Variants in DGKB observed in about 807,000 individuals in gnomAD.
The protein encoded by DGKB is 90 kDa diacylglycerol kinase.
In DGKB, 67 loss-of-function variants were observed where a neutral mutation model predicts 114.3. The ratio of observed to expected loss-of-function variants is 0.59; its 90% CI spans 0.48 to 0.72. DGKB has a LOEUF of 0.72. Ranked by LOEUF, DGKB falls within the 30% of genes least tolerant of loss-of-function variation. The probability of loss-of-function intolerance (pLI) is 0.00; values close to 1 mark genes in which losing one functional copy is unlikely to be tolerated. For synonymous variants in DGKB, 398 were observed against 323.1 expected (o/e 1.23, Z -2.49); for missense variants, 907 against 975.2 (o/e 0.93, Z 0.93).
At chr7:14,296,932 A>G (rs1802690199) in intron 23 of DGKB, among the ~76,000 whole-genome samples, 2 of 152,168 alleles carry the variant, frequency 1.3e-5, no homozygotes, top group African/African-American at 4.8e-5. Flanking sequence ...AAACACATCT[A>G]CGCAAATAAA....
chr7:14,597,781 C>T (rs1318876895), intron 17 of DGKB, among the ~76,000 whole-genome samples: 3 of 151,884 alleles, frequency 2.0e-5, no homozygotes, highest in Non-Finnish European at 4.4e-5. Flanking sequence ...CCAGAAGGTT[C>T]CTGGGTGACT....
At chr7:14,724,843 A>T (rs2128368934) in intron 5 of DGKB, among the ~76,000 whole-genome samples, 1 of 152,330 alleles carries the variant, frequency 6.6e-6, no homozygotes, top group Admixed American at 6.5e-5. Context: ...AAGCAGTAAA[A>T]ATGAGATCTG....
intron 21 of DGKB, among the ~76,000 whole-genome samples, chr7:14,419,505 T>C (rs1265240737): frequency 6.6e-6 from 1 of 151,920 alleles, no homozygotes; most frequent in Non-Finnish European, 1.5e-5. Flanking sequence ...TTGTTTATAT[T>C]TGCTGTGTGG....
At chr7:14,932,154 C>T (rs1259739446) in intron 1 of DGKB, among the ~76,000 whole-genome samples, 1 of 152,178 alleles carries the variant, frequency 6.6e-6, no homozygotes, top group Non-Finnish European at 1.5e-5. Context: ...CTCCCATGTT[C>T]TGGACTGTAC....
In DGKB at chr7:14,859,731, C is replaced by G. The variant is rs530187321; in HGVS notation, c.-187-18281G>C. 2.8e-3 allele frequency among the ~76,000 whole-genome samples: 425 copies of G among 152,198 alleles called. 1 individual carries two copies. The highest frequency in any genetic ancestry group is 9.9e-3 in the African/African-American group (411 of 41,544). ...TTCGGAACTTTAATTATGAAACTTA[C>G]CTGTTGTTTAATAAATATTTTCCTA... On this transcript the variant is annotated intron_variant, in intron 1 of 25. Coordinates refer to ENST00000402815, the MANE Select transcript of DGKB (RefSeq NM_001350709.2).
intron 23 of DGKB, among the ~76,000 whole-genome samples, chr7:14,246,232 C>T (rs1453102350): frequency 6.6e-6 from 1 of 152,092 alleles, no homozygotes; most frequent in Non-Finnish European, 1.5e-5. Context: ...TGGCTAATAA[C>T]TTTTGAGTGG....
upstream of DGKB, among the ~76,000 whole-genome samples, chr7:14,903,741 C>G (rs565372807): frequency 3.3e-5 from 5 of 152,186 alleles, no homozygotes; most frequent in South Asian, 1.0e-3. Flanking sequence ...ATAAAAATAA[C>G]AATTTTGAGG....
At chr7:14,923,004 T>C (rs1314612140) in intron 1 of DGKB, among the ~76,000 whole-genome samples, 1 of 152,162 alleles carries the variant, frequency 6.6e-6, no homozygotes, top group Non-Finnish European at 1.5e-5. Context: ...ATCTCCCCTT[T>C]CTCCATCCCT....
chr7:14,524,439 G>A (rs1790299139), intron 20 of DGKB, among the ~76,000 whole-genome samples: 1 of 152,166 alleles, frequency 6.6e-6, no homozygotes, highest in South Asian at 2.1e-4. Flanking sequence ...GACATAGTCT[G>A]TTCATTAAAC....
At chr7:14,720,469 T>C (rs1328514298) in intron 5 of DGKB, among the ~76,000 whole-genome samples, 10 of 129,810 alleles carry the variant, frequency 7.7e-5, no homozygotes, top group African/African-American at 3.3e-4. Context: ...CACGCCCGGC[T>C]GATTTGTGTG....
At chr7:14,353,587 T>C (rs779063865) in intron 21 of DGKB, among the ~76,000 whole-genome samples, 2 of 152,192 alleles carry the variant, frequency 1.3e-5, no homozygotes, top group Non-Finnish European at 2.9e-5. Flanking sequence ...GAATTTTTAC[T>C]CGTGAGAGAT....
intron 2 of DGKB, among the ~76,000 whole-genome samples, chr7:14,839,125 T>A (rs1847560018): frequency 6.6e-6 from 1 of 152,108 alleles, no homozygotes; most frequent in Admixed American, 6.6e-5. Flanking sequence ...TATCTATTAG[T>A]TTCTAGCCTT....
At chr7:14,928,656 TTATTTA>T (rs1355826666) in intron 1 of DGKB, among the ~76,000 whole-genome samples, 3 of 151,918 alleles carry the variant, frequency 2.0e-5, no homozygotes, top group African/African-American at 7.2e-5. Flanking sequence ...TGTTCATTTT[TTATTTA>T]TTTTATTTTA....
rs1410104031 is a variant in DGKB, at chr7:14,701,453, T to TA, written c.516+227dup. The stretch of plus-strand genomic sequence containing the variant: ...AACTTCAGTGCAGGAAAAATAAAAT[T>TA]AAAAAAGTCATGCTGTGGTATGCAA... On this transcript the variant is annotated intron_variant, in intron 7 of 25. Transcript: ENST00000402815. Among the ~76,000 whole-genome samples, 11 of 152,226 alleles carry TA rather than the reference T, an allele frequency of 7.2e-5. No homozygotes were observed. The East Asian group carries it at 2.1e-3, about 29-fold the overall frequency.
intron 21 of DGKB, among the ~76,000 whole-genome samples, chr7:14,387,676 T>C (rs547553531): frequency 9.2e-5 from 14 of 152,074 alleles, no homozygotes; most frequent in African/African-American, 3.1e-4. Flanking sequence ...CTCAGCCTCC[T>C]AAAGTGCTGA....
intron 23 of DGKB, among the ~76,000 whole-genome samples, chr7:14,278,019 G>C (rs1199148007): frequency 1.3e-5 from 2 of 152,172 alleles, no homozygotes; most frequent in Non-Finnish European, 2.9e-5. Context: ...CTAATGATAG[G>C]TAATGCTGAG....
chr7:14,608,477 A>G (rs964415631), intron 16 of DGKB, among the ~76,000 whole-genome samples: 1 of 152,104 alleles, frequency 6.6e-6, no homozygotes, highest in African/African-American at 2.4e-5. Context: ...CCCACAGCCA[A>G]CAGCACACTG....
chr7:14,584,346 C>G (rs1255837418), intron 17 of DGKB, among the ~76,000 whole-genome samples: 3 of 152,130 alleles, frequency 2.0e-5, no homozygotes, highest in East Asian at 1.9e-4. Flanking sequence ...TAAATGTGCG[C>G]ATGTGTTTTG....
At chr7:14,685,834 G>A (rs1821584038) in intron 9 of DGKB, among the ~76,000 whole-genome samples, 1 of 152,310 alleles carries the variant, frequency 6.6e-6, no homozygotes, top group South Asian at 2.1e-4. Context: ...ATCAGGTCAT[G>A]TAAGGTGGCA....
Sources: gnomAD v4.1 joint callset for allele counts (sites outside exome capture counted in the v4.1 genomes callset) on GRCh38, gnomAD v4.1.1 for gene constraint, MANE v1.5 for transcripts, NCBI Gene and HGNC (gene_info 2026-07-23, HGNC 2026-07-21) for gene names.